PTPRA: variants seen among roughly 807,000 people sequenced by gnomAD.
The protein encoded by PTPRA is protein tyrosine phosphatase receptor type A.
A neutral mutation model predicts 104.8 loss-of-function variants in PTPRA; 25 were observed. The observed-to-expected ratio is 0.24, with a 90% CI of 0.17 to 0.33. The LOEUF (loss-of-function observed/expected upper bound fraction) is 0.33, where lower values mean the gene tolerates loss of function less well. PTPRA is among the 10% of genes least tolerant of loss of function. The probability of loss-of-function intolerance (pLI) is 1.00; values close to 1 mark genes in which losing one functional copy is unlikely to be tolerated. For missense variants in PTPRA, 765 were observed against 1,015.3 expected (o/e 0.75, Z 3.35); for synonymous variants, 323 against 368.9 (o/e 0.88, Z 1.43).
intron 9 of PTPRA, among the ~76,000 whole-genome samples, chr20:3,002,710 C>T (rs1212960604): frequency 1.3e-5 from 2 of 152,186 alleles, no homozygotes; most frequent in African/African-American, 4.8e-5. Context: ...TCTCTTCTTG[C>T]TCCTCTCTAG....
chr20:2,972,583 T>C (rs1441077656), intron 5 of PTPRA, among the ~76,000 whole-genome samples: 1 of 152,250 alleles, frequency 6.6e-6, no homozygotes, highest in African/African-American at 2.4e-5. Context: ...ATTTTCTCTG[T>C]CTAGATATTC....
At chr20:3,024,355 A>T in intron 16 of PTPRA, 117 bp from the exon 17 acceptor site, 1 of 1,125,710 alleles carries the variant, frequency 8.9e-7, no homozygotes. Flanking sequence ...GAGTCCTTTT[A>T]TTCCTGCTAG....
At chr20:2,983,265 T>A (rs1323396351) in intron 6 of PTPRA, among the ~76,000 whole-genome samples, 1 of 151,754 alleles carries the variant, frequency 6.6e-6, no homozygotes, top group Non-Finnish European at 1.5e-5. Flanking sequence ...TGAGGATGAA[T>A]GAATGAAAGC....
At chr20:2,891,839 C>A (rs950847400) in intron 1 of PTPRA, among the ~76,000 whole-genome samples, 1 of 152,090 alleles carries the variant, frequency 6.6e-6, no homozygotes, top group Non-Finnish European at 1.5e-5. Flanking sequence ...CTCCTGTGTA[C>A]TTTATAGGCC....
In PTPRA at chr20:3,038,228, A is replaced by AG. The variant is rs2065898915; in HGVS notation, c.*95_*96insG. 5.6e-6 allele frequency: 7 copies of AG among 1,249,432 alleles called. No homozygotes were observed. Among genetic ancestry groups the AG allele is most frequent in the Non-Finnish European group, 6.9e-6 (6 of 874,582 alleles). 77.4% of individuals were successfully genotyped at this position (1,249,432 alleles called of 1,614,324 possible). On this transcript the variant is annotated 3_prime_UTR_variant, in exon 24 of 24. Coordinates refer to ENST00000399903, the MANE Select transcript of PTPRA (RefSeq NM_001385305.1). ...ACCCCAAATTGTGTATATATCTTAT[A>AG]ACTGTTTTAGAAATTGGTACATAGG...
chr20:2,923,730 C>T (rs1057237639), intron 2 of PTPRA, among the ~76,000 whole-genome samples: 1 of 152,070 alleles, frequency 6.6e-6, no homozygotes, highest in African/African-American at 2.4e-5. Flanking sequence ...ACCCAGGAGA[C>T]AGAGGTTGCA....
chr20:2,912,257 T>A (rs1196481409), intron 1 of PTPRA, among the ~76,000 whole-genome samples: 1 of 141,200 alleles, frequency 7.1e-6, no homozygotes, highest in East Asian at 2.3e-4. Flanking sequence ...AAAAAACAAA[T>A]TTTGAAAATA....
At chr20:2,969,320 A>C (rs1053947655) in intron 5 of PTPRA, among the ~76,000 whole-genome samples, 2 of 150,942 alleles carry the variant, frequency 1.3e-5, no homozygotes, top group African/African-American at 4.9e-5. Flanking sequence ...CAGTCTCGGC[A>C]TACTGCAAAC....
chr20:2,915,867 G>A (rs1385994904), intron 1 of PTPRA, among the ~76,000 whole-genome samples: 6 of 152,110 alleles, frequency 3.9e-5, no homozygotes, highest in Non-Finnish European at 8.8e-5. Flanking sequence ...TCAGCTACTC[G>A]GGAAGTTGAG....
upstream of PTPRA, among the ~76,000 whole-genome samples, chr20:2,869,630 G>A (rs1397665462): frequency 1.3e-5 from 2 of 152,158 alleles, no homozygotes; most frequent in Non-Finnish European, 1.5e-5. Flanking sequence ...CAAAGAATCT[G>A]GGAACATTTC....
chr20:3,016,895 C>A lies in PTPRA; in HGVS notation c.944-921C>A, dbSNP rs578201675. The stretch of plus-strand genomic sequence containing the variant: ...CATCTGATCCCCTTACAGAGCACCT[C>A]CCCCTCAGTCAGACAGACGTGTACC... On this transcript the variant is annotated intron_variant, in intron 12 of 23. Transcript: ENST00000399903. 5.9e-5 allele frequency among the ~76,000 whole-genome samples: 9 copies of A among 152,350 alleles called. 1 individual carries two copies. Among genetic ancestry groups the A allele is most frequent in the African/African-American group, 2.2e-4 (9 of 41,592 alleles).
chr20:2,882,584 G>A lies in PTPRA; in HGVS notation c.-129+8824G>A, dbSNP rs148094752. On this transcript the variant is annotated intron_variant, in intron 1 of 23. Coordinates refer to ENST00000399903, the MANE Select transcript of PTPRA (RefSeq NM_001385305.1). ...GCTGGGATTACAGGCATGAGCCACC[G>A]TGCCAACTGTGCCAGGCCTAGATTA... is the stretch of plus-strand genomic sequence containing the variant. Among the ~76,000 whole-genome samples, 575 of 152,102 alleles carry A rather than the reference G, an allele frequency of 3.8e-3. 8 individuals are homozygous for A. The highest frequency in any genetic ancestry group is 0.013 in the African/African-American group (522 of 41,504).
intron 6 of PTPRA, among the ~76,000 whole-genome samples, chr20:2,978,312 G>A (rs2062527149): frequency 6.6e-6 from 1 of 152,220 alleles, no homozygotes; most frequent in African/African-American, 2.4e-5. Flanking sequence ...GCTCAACCCA[G>A]TGGTTAGATT....
In PTPRA at chr20:3,007,372, G is replaced by A. The variant is rs142755718; in HGVS notation, c.858G>A (p.Pro286=). 110 of 1,614,066 alleles carry A rather than the reference G, an allele frequency of 6.8e-5. No homozygotes were observed. Among genetic ancestry groups the A allele is most frequent in the African/African-American group, 3.1e-4 (23 of 75,026 alleles). ...ACCACTCTAGAGTCCACCTGACACCGGTTGAAGGGGTTCCAGATTCTGATT... is the reference window on the plus strand; with the variant it reads ...ACCACTCTAGAGTCCACCTGACACCAGTTGAAGGGGTTCCAGATTCTGATT... ...PYDHSRVHLT[P]VEGVPDSDYI... is the part of the protein sequence containing the mutation. The change falls in exon 11 of 24, where the codon CCG becomes CCA. Residue 286 remains proline, a synonymous_variant. Transcript: ENST00000399903.
At chr20:2,955,664 T>C in intron 3 of PTPRA, 1 of 985,416 alleles carries the variant, frequency 1.0e-6, no homozygotes, top group Non-Finnish European at 1.2e-6. Context: ...TGGCAACTCT[T>C]CAGAGTGCTG....
intron 20 of PTPRA, among the ~76,000 whole-genome samples, chr20:3,030,676 C>CCT (rs2065398348): frequency 1.5e-5 from 1 of 67,724 alleles, no homozygotes; most frequent in Non-Finnish European, 2.6e-5. Context: ...TCTCCCTCTG[C>CCT]TTTTTTTTTT....
the PTPRA span, chr20:2,864,670 G>C: frequency 6.3e-7 from 1 of 1,597,622 alleles, no homozygotes; most frequent in Non-Finnish European, 8.6e-7. The surrounding 1 kb of genome is among the most constrained non-coding windows in gnomAD (Gnocchi z 5.2). Flanking sequence ...AGATCCATGG[G>C]GCGTGTGGGG....
intron 2 of PTPRA, among the ~76,000 whole-genome samples, chr20:2,938,319 G>A (rs988736059): frequency 2.6e-5 from 4 of 151,986 alleles, no homozygotes; most frequent in Admixed American, 2.6e-4. Flanking sequence ...CAAGTAGCTG[G>A]GATTACAGGC....
chr20:2,993,926 C>A (rs1376701789), intron 9 of PTPRA, among the ~76,000 whole-genome samples: 1 of 152,284 alleles, frequency 6.6e-6, no homozygotes, highest in South Asian at 2.1e-4. Context: ...GACAGGCAGG[C>A]AGGCAGACAG....
Sources: gnomAD v4.1 joint callset for allele counts (sites outside exome capture counted in the v4.1 genomes callset) on GRCh38, gnomAD v4.1.1 for gene constraint, Gnocchi (gnomAD v3.1) non-coding constraint, MANE v1.5 for transcripts, NCBI Gene and HGNC (gene_info 2026-07-23, HGNC 2026-07-21) for gene names.